The following RCOR1 variants were observed in gnomAD, a reference collection of about 807,000 sequenced individuals.
The protein encoded by RCOR1 is REST corepressor.
Under a neutral mutation model 64.0 loss-of-function variants are expected in RCOR1, and 12 were observed. That is an observed-to-expected ratio of 0.19 (90% confidence interval 0.12 to 0.30). The LOEUF (loss-of-function observed/expected upper bound fraction) is 0.30, where lower values mean the gene tolerates loss of function less well. RCOR1 is among the 10% of genes least tolerant of loss of function. The pLI, the probability that RCOR1 is intolerant of heterozygous loss-of-function variation, is 1.00. For synonymous variants in RCOR1, 279 were observed against 227.2 expected, an observed-to-expected ratio of 1.23 and a Z score of -2.05; for missense variants, 502 against 621.2, an observed-to-expected ratio of 0.81 and a Z score of 2.04.
intron 2 of RCOR1, among the ~76,000 whole-genome samples, chr14:102,640,947 T>C (rs1454917069): frequency 6.6e-6 from 1 of 151,860 alleles, no homozygotes; most frequent in East Asian, 1.9e-4. Flanking sequence ...GCAAGATCCC[T>C]GTCTCAGAAG....
chr14:102,682,939 T>G (rs1895335285), intron 3 of RCOR1, among the ~76,000 whole-genome samples: 1 of 152,210 alleles, frequency 6.6e-6, no homozygotes, highest in African/African-American at 2.4e-5. Context: ...ATCTCACTTA[T>G]TTCTCAGGCT....
At chr14:102,690,248 A>C (rs74084112) in intron 3 of RCOR1, among the ~76,000 whole-genome samples, 4,434 of 152,316 alleles carry the variant, frequency 0.029, 216 homozygotes, top group African/African-American at 0.1. Flanking sequence ...ACTATATTGT[A>C]CATGAAAGTT....
At chr14:102,676,780 G>GC (rs1327121110) in intron 2 of RCOR1, among the ~76,000 whole-genome samples, 26 of 63,598 alleles carry the variant, frequency 4.1e-4, no homozygotes, top group South Asian at 6.1e-4. Flanking sequence ...GGGCAGAGGG[G>GC]TCCTCACTTC....
chr14:102,676,806 G>A (rs1448890336), intron 2 of RCOR1, among the ~76,000 whole-genome samples: 5 of 89,602 alleles, frequency 5.6e-5, no homozygotes, highest in Admixed American at 2.7e-4. Context: ...AGGGGCGGCC[G>A]GGCAGAGGCG....
At chr14:102,656,195 A>C (rs1450195941) in intron 2 of RCOR1, 1 of 778,298 alleles carries the variant, frequency 1.3e-6, no homozygotes, top group African/African-American at 1.9e-5. Context: ...ACTGGAGTGC[A>C]GTGGTGTGAT....
chr14:102,709,915 T>C (rs1003319048), intron 6 of RCOR1, among the ~76,000 whole-genome samples: 2 of 152,012 alleles, frequency 1.3e-5, no homozygotes, highest in Admixed American at 6.6e-5. Flanking sequence ...CCTGGAGGCT[T>C]TTTTTTTGCA....
chr14:102,697,514 T>C (rs1046770100), intron 3 of RCOR1, among the ~76,000 whole-genome samples: 1 of 152,168 alleles, frequency 6.6e-6, no homozygotes, highest in African/African-American at 2.4e-5. Context: ...TTGGGAACAA[T>C]GAAAAGAATG....
intron 2 of RCOR1, among the ~76,000 whole-genome samples, chr14:102,632,690 CCTTTTCCTTTCCTTTCCTTTTCCTTT>C (rs1894146340): frequency 8.4e-6 from 1 of 118,590 alleles, no homozygotes; most frequent in African/African-American, 3.6e-5. Flanking sequence ...TTTTCCTTTT[CCTTTTCCTTTCCTTTCCTTTTCCTTT>C]CCTTTCCTTT....
intron 2 of RCOR1, among the ~76,000 whole-genome samples, chr14:102,651,713 A>T (rs1346443698): frequency 6.6e-6 from 1 of 152,138 alleles, no homozygotes; most frequent in East Asian, 1.9e-4. Flanking sequence ...TGGGTTATTT[A>T]TTTATTTATA....
intron 2 of RCOR1, among the ~76,000 whole-genome samples, chr14:102,624,612 A>C (rs1186710370): frequency 6.6e-6 from 1 of 152,116 alleles, no homozygotes; most frequent in East Asian, 1.9e-4. Flanking sequence ...CAAAAAGTAC[A>C]AAAATTAGCC....
Position 102,726,595 on chromosome 14 carries a change from C to A in RCOR1, c.*89C>A. 9.0e-7 allele frequency: 1 copy of A among 1,105,958 alleles called. No individual in the cohort carries two copies. The highest frequency in any genetic ancestry group is 1.3e-6 in the Non-Finnish European group (1 of 745,948). The allele number at this position is 1,105,958 out of a possible 1,614,324, so 68.5% of individuals were successfully genotyped here. A position where few individuals can be genotyped will look rare whatever the true frequency, so the allele number is the denominator to read the frequency against. Reference sequence around the variant, plus strand: ...AGACATCACCTAGCCATCTGCATCACATCTCTCTGGACAAGCAGCTATTAC... The same window carrying A: ...AGACATCACCTAGCCATCTGCATCAAATCTCTCTGGACAAGCAGCTATTAC... On this transcript the variant is annotated 3_prime_UTR_variant, in exon 12 of 12. Coordinates refer to ENST00000262241, the MANE Select transcript of RCOR1 (RefSeq NM_015156.4).
At chr14:102,693,435 C>T (rs1895578849) in intron 3 of RCOR1, among the ~76,000 whole-genome samples, 1 of 152,140 alleles carries the variant, frequency 6.6e-6, no homozygotes, top group Non-Finnish European at 1.5e-5. Context: ...TGTGTTGCAA[C>T]TTACTTTGAA....
chr14:102,619,236 C>CT (rs1893823160), intron 2 of RCOR1, among the ~76,000 whole-genome samples: 1 of 152,074 alleles, frequency 6.6e-6, no homozygotes, highest in Non-Finnish European at 1.5e-5. Context: ...ATTCTCCTGC[C>CT]TTAGCCTTCT....
intron 3 of RCOR1, among the ~76,000 whole-genome samples, chr14:102,686,913 T>A (rs934287102): frequency 1.3e-5 from 2 of 152,234 alleles, no homozygotes; most frequent in Non-Finnish European, 2.9e-5. Flanking sequence ...TTGTTTCAAC[T>A]GAAATTATTG....
At chr14:102,676,166 G>A (rs973987358) in intron 2 of RCOR1, among the ~76,000 whole-genome samples, 3 of 147,060 alleles carry the variant, frequency 2.0e-5, no homozygotes, top group South Asian at 2.2e-4. Flanking sequence ...CACCCTTCCC[G>A]CCTTTCTATT....
At chr14:102,654,783 T>G (rs551974700) in intron 2 of RCOR1, among the ~76,000 whole-genome samples, 1 of 143,396 alleles carries the variant, frequency 7.0e-6, no homozygotes, top group East Asian at 2.1e-4. Context: ...TCCCTGTGGT[T>G]GAGTTTTTTT....
intron 3 of RCOR1, chr14:102,695,254 C>T (rs1895620250): frequency 6.6e-6 from 1 of 152,236 alleles, no homozygotes. Flanking sequence ...ACTTCATCAA[C>T]CACAGTTCTA....
intron 2 of RCOR1, among the ~76,000 whole-genome samples, chr14:102,680,896 A>G (rs1050695314): frequency 5.9e-5 from 9 of 152,202 alleles, no homozygotes; most frequent in African/African-American, 2.2e-4. Context: ...CAGAAATTCA[A>G]CTTTTAATTT....
intron 7 of RCOR1, among the ~76,000 whole-genome samples, chr14:102,712,038 G>T (rs1281104823): frequency 6.6e-6 from 1 of 151,130 alleles, no homozygotes; most frequent in Non-Finnish European, 1.5e-5. Context: ...TTTGAGACAG[G>T]GTCTCCTGTG....
Sources: gnomAD v4.1 joint callset for allele counts (sites outside exome capture counted in the v4.1 genomes callset) on GRCh38, gnomAD v4.1.1 for gene constraint, MANE v1.5 for transcripts, NCBI Gene and HGNC (gene_info 2026-07-23, HGNC 2026-07-21) for gene names.